MTMR11: variants seen among roughly 807,000 people sequenced by gnomAD.
The protein encoded by MTMR11 is myotubularin related protein 11, also known as myotubularin-related protein 11.
A neutral mutation model predicts 100.0 loss-of-function variants in MTMR11; 89 were observed. The observed-to-expected ratio is 0.89, with a 90% CI of 0.75 to 1.06. MTMR11 has a LOEUF of 1.06. Among genes scored for constraint, MTMR11 ranks in the 50% least tolerant of loss-of-function variants. The probability of loss-of-function intolerance (pLI) is 0.00; values close to 1 mark genes in which losing one functional copy is unlikely to be tolerated. For missense variants in MTMR11, 809 were observed against 873.7 expected, an observed-to-expected ratio of 0.93 and a Z score of 0.93; for synonymous variants, 336 against 326.3, an observed-to-expected ratio of 1.03 and a Z score of -0.32.
chr1:149,932,503 C>T (rs782101444), intron 10 of MTMR11, among the ~76,000 whole-genome samples, 173 bp from the exon 11 acceptor site: 1 of 152,122 alleles, frequency 6.6e-6, no homozygotes, highest in Non-Finnish European at 1.5e-5. Flanking sequence ...TATAATAAAA[C>T]TCACTGAATT....
At chr1:149,935,818 C>T in intron 2 of MTMR11, 113 bp from the exon 3 acceptor site, 2 of 1,250,744 alleles carry the variant, frequency 1.6e-6, no homozygotes, top group African/African-American at 1.5e-5. Flanking sequence ...AAAATCCTCC[C>T]CAAAGCCCAC....
At chr1:149,933,751 T>C in intron 8 of MTMR11, 53 bp from the exon 9 acceptor site, 2 of 1,610,660 alleles carry the variant, frequency 1.2e-6, no homozygotes, top group Middle Eastern at 1.8e-4. Context: ...AGCTCCACGC[T>C]ACCCTTGCCC....
intron 15 of MTMR11, 52 bp downstream of exon 15, chr1:149,930,313 A>G: frequency 6.5e-7 from 1 of 1,532,322 alleles, no homozygotes; most frequent in Non-Finnish European, 8.9e-7. Context: ...ACTGTCTAGT[A>G]GCATGAGCCT....
At chr1:149,934,032 A>G in intron 7 of MTMR11, 90 bp from the exon 8 acceptor site, 1 of 1,539,004 alleles carries the variant, frequency 6.5e-7, no homozygotes, top group Non-Finnish European at 9.0e-7. Flanking sequence ...CAGAGGGACC[A>G]TTCCAAGGGA....
Position 149,934,483 on chromosome 1 carries a change from G to C in MTMR11, c.512C>G (p.Ala171Gly), listed in dbSNP as rs782198786. ...CAGGGTTATCCCCGAATACTGTTGGGCTTGATTGCTCTGAGCTCTGGCTTG... is the reference window on the plus strand; with the variant it reads ...CAGGGTTATCCCCGAATACTGTTGGCCTTGATTGCTCTGAGCTCTGGCTTG... ...IVQARAQSNQ[A>G]QQYSGITLSK... The change falls in exon 6 of 17, where the codon GCC (alanine) becomes GGC (glycine). Residue 171 changes from alanine to glycine, a missense_variant. Coordinates refer to ENST00000439741, the MANE Select transcript of MTMR11 (RefSeq NM_001145862.2). 16 of 1,614,082 alleles carry C rather than the reference G, an allele frequency of 9.9e-6. No homozygotes were observed. The Admixed American group carries it at 2.7e-4, about 27-fold the overall frequency.
At chr1:149,934,398 C>G in intron 6 of MTMR11, 50 bp downstream of exon 6, 1 of 1,613,530 alleles carries the variant, frequency 6.2e-7, no homozygotes, top group South Asian at 1.1e-5. Flanking sequence ...TGTCATCAGC[C>G]ATCCTCTGCT....
chr1:149,935,485 C>T, intron 3 of MTMR11, 99 bp downstream of exon 3: 1 of 1,577,960 alleles, frequency 6.3e-7, no homozygotes, highest in South Asian at 1.1e-5. Context: ...ATGATACATT[C>T]AAAAGACAGC....
chr1:149,936,132 G>A (rs782261978), intron 2 of MTMR11, 22 bp downstream of exon 2: 4 of 1,604,004 alleles, frequency 2.5e-6, no homozygotes, highest in Non-Finnish European at 1.7e-6. Flanking sequence ...GAAGTCTTTG[G>A]AGAGTGATAG....
rs150801253 is a variant in MTMR11 at position 149,929,126 on chromosome 1, C to A, written c.*3G>T. On this transcript the variant is annotated 3_prime_UTR_variant, in exon 17 of 17. Transcript: ENST00000439741. ...AAAAAAAAAGATTAGACAGAACCCT[C>A]CTCTACCCCAGATCCCCCTCTGCCC... The A allele has an allele frequency of 6.2e-7, 1 of 1,608,988 alleles. No individual in the cohort carries two copies. Among genetic ancestry groups the A allele is most frequent in the Non-Finnish European group, 8.5e-7 (1 of 1,177,162 alleles).
At position 149,928,859 on chromosome 1, in the gene MTMR11, C is replaced by A. The variant is rs1553766617; in HGVS notation, c.*270G>T. On this transcript the variant is annotated 3_prime_UTR_variant, in exon 17 of 17. Coordinates refer to ENST00000439741, the MANE Select transcript of MTMR11 (RefSeq NM_001145862.2). Reference sequence around the variant, plus strand: ...GGGACTGATGAACAGCATCTCTGATCTCATGATTTAACATCTGGTTATCCA... The same window carrying A: ...GGGACTGATGAACAGCATCTCTGATATCATGATTTAACATCTGGTTATCCA... 1 of 1,611,694 alleles carries A rather than the reference C, an allele frequency of 6.2e-7. No individual in the cohort carries two copies. The highest frequency in any genetic ancestry group is 8.5e-7 in the Non-Finnish European group (1 of 1,177,852).
Position 149,933,718 on chromosome 1 carries a change from G to A in MTMR11, c.772-20C>T, listed in dbSNP as rs1553768217. 6.2e-7 allele frequency: 1 copy of A among 1,613,776 alleles called. No individual in the cohort carries two copies. The highest frequency in any genetic ancestry group is 1.1e-5 in the South Asian group (1 of 91,064). ...CAAGCGCTTCACATGGGGCAGAAGAGGGTCATTGTGGGAGAAATGCCTAGC... is the reference window on the plus strand; with the variant it reads ...CAAGCGCTTCACATGGGGCAGAAGAAGGTCATTGTGGGAGAAATGCCTAGC... On this transcript the variant is annotated intron_variant, in intron 8 of 16. Coordinates refer to ENST00000439741, the MANE Select transcript of MTMR11 (RefSeq NM_001145862.2).
At chr1:149,936,132 G>T in intron 2 of MTMR11, 22 bp downstream of exon 2, 1 of 1,604,002 alleles carries the variant, frequency 6.2e-7, no homozygotes, top group Non-Finnish European at 8.5e-7. Flanking sequence ...GAAGTCTTTG[G>T]AGAGTGATAG....
Position 149,929,653 on chromosome 1 carries a change from G to C in MTMR11, c.1911C>G (p.Arg637=). The C allele has an allele frequency of 2.5e-6, 4 of 1,613,426 alleles. No individual in the cohort carries two copies. The highest frequency in any genetic ancestry group is 3.4e-6 in the Non-Finnish European group (4 of 1,179,900). ...CCTCAGGCCTTCCCCTCAGGTAGCA[G>C]CGTCTCCAGAGCCTGATCTGGGGTC... ...YLGPQIRLWR[R]CYLRGRPEVQ... The change falls in exon 16 of 17, where the codon CGC becomes CGG. Residue 637 remains arginine (R), a synonymous_variant. Transcript: ENST00000439741.
chr1:149,934,832 C>T (rs587691371), intron 5 of MTMR11, among the ~76,000 whole-genome samples, 154 bp downstream of exon 5: 8 of 152,308 alleles, frequency 5.3e-5, no homozygotes, highest in South Asian at 2.1e-4. Flanking sequence ...ACTCTCATCA[C>T]GCAATCATTT....
In MTMR11 at chr1:149,936,665, G is replaced by A; in HGVS notation, c.-18C>T. The A allele has an allele frequency of 6.6e-7, 1 of 1,518,798 alleles. No homozygotes were observed. Among genetic ancestry groups the A allele is most frequent in the Non-Finnish European group, 9.0e-7 (1 of 1,117,266 alleles). The allele number at this position is 1,518,798 out of a possible 1,614,324, so 94.1% of individuals were successfully genotyped here. A position where few individuals can be genotyped will look rare whatever the true frequency, so the allele number is the denominator to read the frequency against. On this transcript the variant is annotated 5_prime_UTR_variant, in exon 1 of 17. Transcript: ENST00000439741. ...CACCACATTTCTCTGGCTCCATCCGGGGACACAGCAGTTAAGGGTGGGAAA... is the reference window on the plus strand; with the variant it reads ...CACCACATTTCTCTGGCTCCATCCGAGGACACAGCAGTTAAGGGTGGGAAA...
intron 1 of MTMR11, 73 bp downstream of exon 1, chr1:149,936,509 C>A (rs1301039690): frequency 2.3e-6 from 3 of 1,311,672 alleles, no homozygotes; most frequent in Non-Finnish European, 2.1e-6. Context: ...AGAGCCTTTG[C>A]TTCCCCCTTT....
intron 12 of MTMR11, 72 bp downstream of exon 12, chr1:149,931,872 C>A: frequency 1.4e-6 from 2 of 1,386,152 alleles, no homozygotes; most frequent in Non-Finnish European, 2.0e-6. Context: ...GGTCTCCCTC[C>A]CTGAATGCAA....
intron 2 of MTMR11, 119 bp downstream of exon 2, chr1:149,936,035 T>G: frequency 9.0e-7 from 1 of 1,116,194 alleles, no homozygotes; most frequent in South Asian, 1.3e-5. Flanking sequence ...ACAGCGAGCC[T>G]CAGGCAGACG....
chr1:149,935,460 T>TCCC, intron 3 of MTMR11, 101 bp from the exon 4 acceptor site: 1 of 1,575,976 alleles, frequency 6.3e-7, no homozygotes, highest in South Asian at 1.1e-5. Context: ...TAGAGAGAGT[T>TCCC]CCCACTGATT....
Sources: gnomAD v4.1 joint callset for allele counts (sites outside exome capture counted in the v4.1 genomes callset) on GRCh38, gnomAD v4.1.1 for gene constraint, MANE v1.5 for transcripts, NCBI Gene and HGNC (gene_info 2026-07-23, HGNC 2026-07-21) for gene names.